The following RAB38 variants were observed in gnomAD, a reference collection of about 807,000 sequenced individuals.
RAB38 encodes ras-related protein Rab-38.
A neutral mutation model predicts 18.4 loss-of-function variants in RAB38; 15 were observed. The ratio of observed to expected loss-of-function variants is 0.82; its 90% CI spans 0.55 to 1.26. The LOEUF is 1.26. Ranked by LOEUF, RAB38 falls within the 50% of genes most tolerant of loss-of-function variation. The probability of loss-of-function intolerance (pLI) is 0.00; values close to 1 mark genes in which losing one functional copy is unlikely to be tolerated. For synonymous variants in RAB38, 101 were observed against 104.4 expected (o/e 0.97, Z 0.20); for missense variants, 294 against 267.4 (o/e 1.10, Z -0.69).
chr11:88,118,409 T>C (rs925649923), intron 2 of RAB38, among the ~76,000 whole-genome samples: 3 of 152,232 alleles, frequency 2.0e-5, no homozygotes, highest in Non-Finnish European at 2.9e-5. Context: ...CCCTGCCTGA[T>C]AGAATTGCAG....
chr11:87,904,752 T>G, the RAB38 span, among the ~76,000 whole-genome samples: 1 of 151,784 alleles, frequency 6.6e-6, no homozygotes, highest in African/African-American at 2.4e-5. Flanking sequence ...TGTTGTTTTT[T>G]TGACTTTTTA....
chr11:87,931,537 C>G, the RAB38 span, among the ~76,000 whole-genome samples: 1 of 152,066 alleles, frequency 6.6e-6, no homozygotes, highest in South Asian at 2.1e-4. Flanking sequence ...TCAGAGGCCA[C>G]TGGCCACCAG....
the RAB38 span, among the ~76,000 whole-genome samples, chr11:87,959,957 TG>T: frequency 6.6e-6 from 1 of 152,194 alleles, no homozygotes; most frequent in Non-Finnish European, 1.5e-5. Context: ...CACTGTTTTT[TG>T]GGTTTCTTCA....
chr11:87,854,565 A>G, the RAB38 span, among the ~76,000 whole-genome samples: 173 of 152,294 alleles, frequency 1.1e-3, no homozygotes, highest in African/African-American at 4.0e-3. Context: ...AACCACAAGT[A>G]AAGACATGAT....
At chr11:88,012,313 T>A in the RAB38 span, among the ~76,000 whole-genome samples, 1 of 152,082 alleles carries the variant, frequency 6.6e-6, no homozygotes, top group African/African-American at 2.4e-5. Flanking sequence ...AGGAAGTAAC[T>A]TTCAGCATTT....
At chr11:87,915,054 G>A in the RAB38 span, among the ~76,000 whole-genome samples, 2 of 152,128 alleles carry the variant, frequency 1.3e-5, no homozygotes, top group East Asian at 3.9e-4. Context: ...ATCCCCACTA[G>A]GACAATACCT....
At chr11:88,098,468 A>G in the RAB38 span, 2 of 152,038 alleles carry the variant, frequency 1.3e-5, no homozygotes, top group African/African-American at 4.8e-5. Flanking sequence ...TTAGTGGAAC[A>G]GTGGAGATAT....
the RAB38 span, among the ~76,000 whole-genome samples, chr11:88,069,657 T>C: frequency 6.6e-6 from 1 of 152,020 alleles, no homozygotes; most frequent in East Asian, 1.9e-4. Flanking sequence ...GGAGAACTTT[T>C]ATGTCTAGCT....
downstream of RAB38, among the ~76,000 whole-genome samples, chr11:88,110,141 G>T (rs1183544317): frequency 6.6e-6 from 1 of 152,094 alleles, no homozygotes; most frequent in African/African-American, 2.4e-5. Context: ...ATGATAGACT[G>T]GATAAAGAAA....
rs369293145 is a variant in RAB38 at position 88,138,927 on chromosome 11, C to T, written c.483+10748G>A. On this transcript the variant is annotated intron_variant, in intron 2 of 2. Transcript: ENST00000243662. ...CCTCCCGAGTAGCTGGGACTACAGG[C>T]GCCCGCCACCACGCCTGGCTAATTT... is the stretch of plus-strand genomic sequence containing the variant. 1.6e-3 allele frequency among the ~76,000 whole-genome samples: 248 copies of T among 152,034 alleles called. 1 individual carries two copies. Among genetic ancestry groups the T allele is most frequent in the African/African-American group, 5.3e-3 (219 of 41,468 alleles).
the RAB38 span, among the ~76,000 whole-genome samples, chr11:87,814,616 C>T: frequency 6.6e-6 from 1 of 152,146 alleles, no homozygotes; most frequent in East Asian, 1.9e-4. Context: ...GATGGTGAAG[C>T]AGGAATGCTT....
chr11:87,871,666 T>G, the RAB38 span, among the ~76,000 whole-genome samples: 4 of 151,550 alleles, frequency 2.6e-5, no homozygotes, highest in African/African-American at 9.7e-5. Flanking sequence ...GAAAAATGCT[T>G]TATTCTCTCT....
At chr11:88,067,713 T>G in the RAB38 span, among the ~76,000 whole-genome samples, 1 of 151,824 alleles carries the variant, frequency 6.6e-6, no homozygotes, top group Admixed American at 6.6e-5. Context: ...TCAAAAAAAA[T>G]GAGAACACAT....
chr11:87,976,675 ATATATT>A, the RAB38 span, among the ~76,000 whole-genome samples: 6 of 117,912 alleles, frequency 5.1e-5, no homozygotes, highest in South Asian at 7.6e-4. Context: ...TTTATATGAT[ATATATT>A]TATATATTTA....
chr11:87,965,852 GT>G, the RAB38 span, among the ~76,000 whole-genome samples: 1 of 152,256 alleles, frequency 6.6e-6, no homozygotes, highest in Admixed American at 6.5e-5. Flanking sequence ...TGCATTATGG[GT>G]TAAGACAGTT....
At chr11:88,016,421 A>G in the RAB38 span, among the ~76,000 whole-genome samples, 1 of 152,142 alleles carries the variant, frequency 6.6e-6, no homozygotes, top group South Asian at 2.1e-4. Context: ...TCTAATGAAA[A>G]TGATTGAAGA....
the RAB38 span, among the ~76,000 whole-genome samples, chr11:88,010,067 G>C: frequency 1.3e-5 from 2 of 152,036 alleles, no homozygotes; most frequent in Non-Finnish European, 2.9e-5. Flanking sequence ...ACTGTGTTTT[G>C]ACTGTAACTC....
the RAB38 span, among the ~76,000 whole-genome samples, chr11:87,952,918 C>CTT: frequency 6.6e-6 from 1 of 151,952 alleles, no homozygotes. Flanking sequence ...GTGTTTGTGT[C>CTT]TTTATTATAG....
At chr11:87,930,255 T>C in the RAB38 span, among the ~76,000 whole-genome samples, 2 of 152,220 alleles carry the variant, frequency 1.3e-5, no homozygotes, top group Non-Finnish European at 2.9e-5. Context: ...ATGATCGCCA[T>C]TCTAACTGGT....
Sources: allele counts gnomAD v4.1 joint callset (sites outside exome capture counted in the v4.1 genomes callset), GRCh38; gene constraint gnomAD v4.1.1; transcripts MANE v1.5; gene names NCBI Gene and HGNC (gene_info 2026-07-23, HGNC 2026-07-21).